Variants in PDE4B observed in about 807,000 individuals in gnomAD.
The protein encoded by PDE4B is 3',5'-cyclic-AMP phosphodiesterase 4B.
A neutral mutation model predicts 82.2 loss-of-function variants in PDE4B; 20 were observed. That is an observed-to-expected ratio of 0.24 (90% CI 0.17 to 0.35). The LOEUF is 0.35. Ranked by LOEUF, PDE4B falls within the 10% of genes least tolerant of loss-of-function variation. The pLI is 1.00. For missense variants in PDE4B, 655 were observed against 907.2 expected (o/e 0.72, Z 3.57); for synonymous variants, 320 against 318.9 (o/e 1.00, Z -0.04).
At chr1:66,014,186 G>A (rs1177718044) in intron 3 of PDE4B, among the ~76,000 whole-genome samples, 1 of 151,972 alleles carries the variant, frequency 6.6e-6, no homozygotes, top group East Asian at 1.9e-4. Flanking sequence ...TATATTCTAG[G>A]TATTAGCCCA....
chr1:66,338,879 C>T (rs1570723753), intron 8 of PDE4B, among the ~76,000 whole-genome samples: 1 of 151,628 alleles, frequency 6.6e-6, no homozygotes, highest in Non-Finnish European at 1.5e-5. Flanking sequence ...ATTAGCCGGG[C>T]GTAGTGGCGG....
chr1:66,190,290 C>T (rs1378696959), intron 3 of PDE4B, among the ~76,000 whole-genome samples: 2 of 152,216 alleles, frequency 1.3e-5, no homozygotes, highest in African/African-American at 4.8e-5. Context: ...CAAGGACCCA[C>T]TTGAGGAGGC....
chr1:65,802,351 C>T (rs912650270), intron 1 of PDE4B, among the ~76,000 whole-genome samples: 1 of 152,156 alleles, frequency 6.6e-6, no homozygotes, highest in Non-Finnish European at 1.5e-5. Flanking sequence ...GGCATGACAT[C>T]TGTACCACAG....
At position 65,854,137 on chromosome 1, in the gene PDE4B, C is replaced by G. The variant is rs1646365103; in HGVS notation, c.-70-59108C>G. On this transcript the variant is annotated intron_variant, in intron 1 of 16. Transcript: ENST00000341517. ...TTCACACATAAGAACCCCAACCCACCTATACTTCTACCTGTCCTCTCCTCT... is the reference window on the plus strand; with the variant it reads ...TTCACACATAAGAACCCCAACCCACGTATACTTCTACCTGTCCTCTCCTCT... Among the ~76,000 whole-genome samples, 3 of 151,852 alleles carry G rather than the reference C, an allele frequency of 2.0e-5. No homozygotes were observed. In the South Asian group the frequency reaches 6.2e-4, roughly 32 times the overall value.
intron 7 of PDE4B, among the ~76,000 whole-genome samples, chr1:66,270,311 A>C (rs1460934568): frequency 6.6e-6 from 1 of 152,208 alleles, no homozygotes; most frequent in African/African-American, 2.4e-5. Flanking sequence ...AAACAGAAGA[A>C]GAGGCTTTCT....
chr1:66,270,046 G>T (rs780551982), intron 7 of PDE4B, among the ~76,000 whole-genome samples: 1 of 152,006 alleles, frequency 6.6e-6, no homozygotes, highest in African/African-American at 2.4e-5. Context: ...GAAGTCTATG[G>T]GTCACTGGAA....
chr1:66,200,385 A>G (rs529682809), intron 3 of PDE4B, among the ~76,000 whole-genome samples: 26 of 152,282 alleles, frequency 1.7e-4, no homozygotes, highest in Middle Eastern at 3.4e-3. Context: ...CTGTGAAGAA[A>G]GTCATTGGTA....
chr1:66,297,228 T>C (rs1284291206), intron 7 of PDE4B, among the ~76,000 whole-genome samples: 1 of 152,188 alleles, frequency 6.6e-6, no homozygotes, highest in Non-Finnish European at 1.5e-5. Flanking sequence ...GTAAGGTCCA[T>C]AAGGATAGAA....
chr1:66,364,061 G>A (rs973035748), intron 12 of PDE4B, among the ~76,000 whole-genome samples: 1 of 152,066 alleles, frequency 6.6e-6, no homozygotes, highest in African/African-American at 2.4e-5. Context: ...TCTACTAAGG[G>A]ATGCAGTGTA....
intron 4 of PDE4B, among the ~76,000 whole-genome samples, chr1:66,256,041 GTGT>G (rs1217917535): frequency 6.6e-6 from 1 of 152,162 alleles, no homozygotes; most frequent in Non-Finnish European, 1.5e-5. Flanking sequence ...GCTGCGTGTG[GTGT>G]TGTGTGCCTG....
chr1:66,187,160 G>A (rs1647260850), intron 3 of PDE4B, among the ~76,000 whole-genome samples: 1 of 152,142 alleles, frequency 6.6e-6, no homozygotes, highest in African/African-American at 2.4e-5. Context: ...TGTTGAACCA[G>A]CCTTGCATCC....
chr1:66,304,223 G>A (rs1280287386), intron 7 of PDE4B, among the ~76,000 whole-genome samples: 1 of 152,078 alleles, frequency 6.6e-6, no homozygotes, highest in Non-Finnish European at 1.5e-5. Context: ...AGTTTGACAA[G>A]AGATAAACAT....
chr1:66,353,267 C>A (rs559472308), intron 8 of PDE4B, among the ~76,000 whole-genome samples: 1 of 152,290 alleles, frequency 6.6e-6, no homozygotes, highest in South Asian at 2.1e-4. Context: ...GGGAAACACA[C>A]ACACATACGC....
chr1:66,007,959 C>G (rs560260843), intron 3 of PDE4B, among the ~76,000 whole-genome samples: 36 of 152,222 alleles, frequency 2.4e-4, no homozygotes, highest in African/African-American at 7.9e-4. Flanking sequence ...CTGACAAGGT[C>G]CATAGATACA....
intron 3 of PDE4B, among the ~76,000 whole-genome samples, chr1:66,087,227 A>G (rs1657048908): frequency 6.6e-6 from 1 of 152,160 alleles, no homozygotes; most frequent in African/African-American, 2.4e-5. Flanking sequence ...AAAGTATCTT[A>G]CAAAGATTAC....
intron 3 of PDE4B, among the ~76,000 whole-genome samples, chr1:66,186,545 C>T (rs935425031): frequency 6.6e-6 from 1 of 152,048 alleles, no homozygotes; most frequent in Non-Finnish European, 1.5e-5. Context: ...TGAAGAGGTC[C>T]TTCACGTCCC....
chr1:66,365,796 G>T, intron 13 of PDE4B, 30 bp downstream of exon 13: 1 of 1,269,264 alleles, frequency 7.9e-7, no homozygotes, highest in Non-Finnish European at 1.1e-6. Flanking sequence ...AGTCATTCCA[G>T]ATAATTGTAT....
At chr1:66,303,342 T>A (rs1212391208) in intron 7 of PDE4B, among the ~76,000 whole-genome samples, 1 of 104,032 alleles carries the variant, frequency 9.6e-6, no homozygotes, top group Non-Finnish European at 2.0e-5. Context: ...TATATATATA[T>A]GTGTGTGTGT....
intron 1 of PDE4B, among the ~76,000 whole-genome samples, chr1:65,879,664 T>C (rs1456214552): frequency 2.6e-5 from 4 of 152,104 alleles, no homozygotes; most frequent in African/African-American, 9.7e-5. Flanking sequence ...AATAAAAGCA[T>C]GAAAACTACA....
Sources: allele counts gnomAD v4.1 joint callset (sites outside exome capture counted in the v4.1 genomes callset), GRCh38; gene constraint gnomAD v4.1.1; transcripts MANE v1.5; gene names NCBI Gene and HGNC (gene_info 2026-07-23, HGNC 2026-07-21).